Variants in TCF12 observed in about 807,000 individuals in gnomAD.
TCF12 encodes transcription factor 12.
In TCF12, 45 loss-of-function variants were observed where a neutral mutation model predicts 86.0. The observed-to-expected ratio is 0.52, with a 90% CI of 0.41 to 0.67. The LOEUF (loss-of-function observed/expected upper bound fraction) is 0.67. TCF12 is among the 30% of genes least tolerant of loss of function. The pLI, the probability that TCF12 is intolerant of heterozygous loss-of-function variation, is 0.00. For missense variants in TCF12, 881 were observed against 859.9 expected, an observed-to-expected ratio of 1.02 and a Z score of -0.31; for synonymous variants, 330 against 299.6, an observed-to-expected ratio of 1.10 and a Z score of -1.05.
At chr15:57,003,066 T>C (rs2064144291) in intron 3 of TCF12, among the ~76,000 whole-genome samples, 1 of 152,234 alleles carries the variant, frequency 6.6e-6, no homozygotes, top group Non-Finnish European at 1.5e-5. Context: ...CTAAGGGCTT[T>C]TATATGAGAA....
chr15:57,130,593 G>A (rs1374420300), intron 5 of TCF12, among the ~76,000 whole-genome samples: 3 of 152,116 alleles, frequency 2.0e-5, no homozygotes, highest in South Asian at 2.1e-4. Context: ...GAAGAGAGCC[G>A]TCAATTTTCT....
At chr15:57,211,678 G>A (rs965206752) in intron 8 of TCF12, among the ~76,000 whole-genome samples, 82 of 152,212 alleles carry the variant, frequency 5.4e-4, no homozygotes, top group African/African-American at 1.9e-3. Context: ...TTAAGGCTGG[G>A]CATGGTGGCC....
At chr15:57,210,039 C>T (rs1448168468) in intron 8 of TCF12, among the ~76,000 whole-genome samples, 6 of 152,052 alleles carry the variant, frequency 3.9e-5, no homozygotes, top group Non-Finnish European at 5.9e-5. Flanking sequence ...CCCCTAGTAC[C>T]TCCTCACTCT....
At chr15:57,064,547 C>T (rs541834606) in intron 4 of TCF12, among the ~76,000 whole-genome samples, 6 of 152,186 alleles carry the variant, frequency 3.9e-5, no homozygotes, top group African/African-American at 7.2e-5. Context: ...GTAATCCCAG[C>T]ACTTTGGGAG....
intron 16 of TCF12, among the ~76,000 whole-genome samples, chr15:57,258,116 A>G (rs889402945): frequency 1.8e-4 from 28 of 152,172 alleles, no homozygotes; most frequent in African/African-American, 6.8e-4. Flanking sequence ...CCTGGGCAAC[A>G]TAGGGAGACC....
intron 3 of TCF12, among the ~76,000 whole-genome samples, chr15:57,049,014 T>C (rs1267055106): frequency 6.6e-6 from 1 of 152,160 alleles, no homozygotes; most frequent in Non-Finnish European, 1.5e-5. Flanking sequence ...TTTCAAGAGT[T>C]ACCCTCTGCT....
chr15:57,206,825 C>G (rs1288853918), intron 8 of TCF12, among the ~76,000 whole-genome samples: 1 of 150,086 alleles, frequency 6.7e-6, no homozygotes, highest in African/African-American at 2.4e-5. Context: ...GAACCTAAAG[C>G]TGGGCCATAG....
chr15:57,229,364 A>G (rs767073183), intron 8 of TCF12, among the ~76,000 whole-genome samples: 3 of 151,920 alleles, frequency 2.0e-5, no homozygotes, highest in Non-Finnish European at 2.9e-5. Context: ...TTTATCTGCC[A>G]TATTCCCCAA....
chr15:56,931,430 A>G (rs1441061374), intron 3 of TCF12, among the ~76,000 whole-genome samples: 22 of 152,174 alleles, frequency 1.4e-4, no homozygotes, highest in African/African-American at 4.6e-4. Context: ...CATTTTGTAT[A>G]TATAAGAAGC....
At chr15:57,123,649 T>A (rs2051397132) in intron 5 of TCF12, among the ~76,000 whole-genome samples, 2 of 150,944 alleles carry the variant, frequency 1.3e-5, no homozygotes, top group African/African-American at 4.9e-5. Context: ...ACTCAGCTAA[T>A]GTAAAAAAAA....
chr15:57,270,385 C>T (rs1450351238), intron 18 of TCF12, among the ~76,000 whole-genome samples: 3 of 152,100 alleles, frequency 2.0e-5, no homozygotes, highest in South Asian at 2.1e-4. Flanking sequence ...ACGAAGTTGT[C>T]GTATTGTGGT....
At chr15:57,275,725 C>T (rs973200644) in intron 19 of TCF12, among the ~76,000 whole-genome samples, 2 of 152,078 alleles carry the variant, frequency 1.3e-5, no homozygotes, top group Admixed American at 6.5e-5. Flanking sequence ...TTTGGGCATC[C>T]TCTGCACTCT....
chr15:57,092,167 C>A, intron 5 of TCF12: 1 of 306,852 alleles, frequency 3.3e-6, no homozygotes. Flanking sequence ...TCAAGCATTA[C>A]ATGTTTTCTG....
intron 20 of TCF12, 100 bp downstream of exon 20, chr15:57,282,698 C>T (rs2061747680): frequency 7.4e-7 from 1 of 1,358,708 alleles, no homozygotes; most frequent in Non-Finnish European, 1.0e-6. Flanking sequence ...GAGCAGTGGC[C>T]ATTGTAAAGG....
rs192614732 is a variant in TCF12 at position 57,165,504 on chromosome 15, A to G, written c.326-898A>G. ...ATCATTATTATGATAATGGTTATCCAGAGGTGTGGTTTGAGCTATGTCTAT... is the reference window on the plus strand; with the variant it reads ...ATCATTATTATGATAATGGTTATCCGGAGGTGTGGTTTGAGCTATGTCTAT... On this transcript the variant is annotated intron_variant, in intron 5 of 20. Coordinates refer to ENST00000333725, the MANE Select transcript of TCF12 (RefSeq NM_207037.2). Among the ~76,000 whole-genome samples the G allele has an allele frequency of 2.4e-3, 362 of 152,208 alleles. 2 individuals carry two copies. Among genetic ancestry groups the G allele is most frequent in the African/African-American group, 8.5e-3 (354 of 41,544 alleles).
At chr15:56,966,855 G>T (rs1178050436) in intron 3 of TCF12, among the ~76,000 whole-genome samples, 1 of 152,210 alleles carries the variant, frequency 6.6e-6, no homozygotes, top group Non-Finnish European at 1.5e-5. Flanking sequence ...GGGCACGGTG[G>T]CTCACGCCTG....
chr15:57,029,532 A>G (rs1032629412), intron 3 of TCF12, among the ~76,000 whole-genome samples: 3 of 152,200 alleles, frequency 2.0e-5, no homozygotes, highest in Non-Finnish European at 4.4e-5. Flanking sequence ...GGAGAAAAGT[A>G]TACTTTGTAC....
In TCF12 at chr15:57,247,712, A is replaced by G. The variant is rs1566980450; in HGVS notation, c.1115-3638A>G. The G allele has an allele frequency of 3.3e-5, 24 of 737,152 alleles. 1 individual carries two copies. The highest frequency in any genetic ancestry group is 3.0e-4 in the South Asian group (21 of 69,938). 45.7% of individuals were successfully genotyped at this position (737,152 alleles called of 1,614,324 possible). ...GGCACCAGACTTTACAGAATCCTCTATAGAAAGAGCTCTCTTTGGTTCCAC... is the reference window on the plus strand; with the variant it reads ...GGCACCAGACTTTACAGAATCCTCTGTAGAAAGAGCTCTCTTTGGTTCCAC... On this transcript the variant is annotated intron_variant, in intron 13 of 20. Coordinates refer to ENST00000333725, the MANE Select transcript of TCF12 (RefSeq NM_207037.2).
chr15:57,124,609 C>T (rs1431272744), intron 5 of TCF12, among the ~76,000 whole-genome samples: 1 of 152,178 alleles, frequency 6.6e-6, no homozygotes, highest in Admixed American at 6.5e-5. Context: ...TGGCCTCCAA[C>T]TGCTAATATC....
Sources: allele counts gnomAD v4.1 joint callset (sites outside exome capture counted in the v4.1 genomes callset), GRCh38; gene constraint gnomAD v4.1.1; transcripts MANE v1.5; gene names NCBI Gene and HGNC (gene_info 2026-07-23, HGNC 2026-07-21).